The following SRPK2 variants were observed in gnomAD, a reference collection of about 807,000 sequenced individuals.
The protein encoded by SRPK2 is SRSF protein kinase 2, also known as SFRS protein kinase 2.
In SRPK2, 21 loss-of-function variants were observed where a neutral mutation model predicts 90.8. The observed-to-expected ratio is 0.23, with a 90% CI of 0.16 to 0.33. SRPK2 has a LOEUF of 0.33. SRPK2 is among the 10% of genes least tolerant of loss of function. The pLI is 1.00. For synonymous variants in SRPK2, 288 were observed against 311.1 expected (o/e 0.93, Z 0.78); for missense variants, 620 against 869.0 (o/e 0.71, Z 3.60).
At chr7:105,115,614 A>G (rs1266624636), downstream of SRPK2, 1 of 152,190 alleles carries the variant, frequency 6.6e-6, no homozygotes, top group East Asian at 1.9e-4. Flanking sequence ...TTTATCAACA[A>G]GCCGCCAAGA....
chr7:105,301,571 A>G, intron 2 of SRPK2: 1 of 1,581,552 alleles, frequency 6.3e-7, no homozygotes. Context: ...CGCTCTATTT[A>G]TGAAGGAGAT....
intron 2 of SRPK2, among the ~76,000 whole-genome samples, chr7:105,205,036 C>T (rs1585167693): frequency 1.3e-5 from 2 of 152,278 alleles, no homozygotes; most frequent in South Asian, 4.1e-4. Flanking sequence ...AGGTCAGGGT[C>T]TTAGCAATGC....
At chr7:105,364,418 T>TTTTTTTTTTTTA (rs1818793674) in intron 2 of SRPK2, among the ~76,000 whole-genome samples, 5 of 151,510 alleles carry the variant, frequency 3.3e-5, no homozygotes, top group African/African-American at 7.3e-5. Flanking sequence ...TTTTTTTTTT[T>TTTTTTTTTTTTA]GAGAAGGAGT....
intron 2 of SRPK2, among the ~76,000 whole-genome samples, chr7:105,219,012 C>T (rs559973620): frequency 2.0e-5 from 3 of 151,828 alleles, no homozygotes; most frequent in South Asian, 4.2e-4. Flanking sequence ...CAAAAGTGGC[C>T]GCAGAAATAG....
intron 2 of SRPK2, among the ~76,000 whole-genome samples, chr7:105,339,731 G>A (rs1289001981): frequency 6.6e-6 from 1 of 152,160 alleles, no homozygotes; most frequent in African/African-American, 2.4e-5. Flanking sequence ...CTAGTGCCTT[G>A]ATTGATGCTA....
At chr7:105,280,792 A>G (rs1446293447) in intron 2 of SRPK2, among the ~76,000 whole-genome samples, 2 of 149,080 alleles carry the variant, frequency 1.3e-5, no homozygotes, top group Non-Finnish European at 3.0e-5. Flanking sequence ...CTAAAAATAC[A>G]AAAAATTAGC....
chr7:105,247,683 G>C (rs1801891978), intron 2 of SRPK2, among the ~76,000 whole-genome samples: 1 of 151,264 alleles, frequency 6.6e-6, no homozygotes, highest in Non-Finnish European at 1.5e-5. Context: ...TTTAATTCTT[G>C]GTATTTTAAT....
chr7:105,330,448 T>C (rs975074768), intron 2 of SRPK2, among the ~76,000 whole-genome samples: 1 of 152,206 alleles, frequency 6.6e-6, no homozygotes, highest in African/African-American at 2.4e-5. Context: ...ATTCCATAGC[T>C]AGAAATCTTT....
downstream of SRPK2, among the ~76,000 whole-genome samples, chr7:105,115,736 A>G (rs1373873884): frequency 1.3e-5 from 2 of 152,180 alleles, no homozygotes; most frequent in African/African-American, 4.8e-5. Context: ...ACCTGTAAAA[A>G]TTCATAATCT....
At chr7:105,283,454 C>T (rs1188832323) in intron 2 of SRPK2, among the ~76,000 whole-genome samples, 4 of 152,116 alleles carry the variant, frequency 2.6e-5, no homozygotes, top group Admixed American at 6.5e-5. Context: ...AGAAAGAGTA[C>T]TAATACATGC....
chr7:105,268,935 A>G, intron 2 of SRPK2: 1 of 1,518,074 alleles, frequency 6.6e-7, no homozygotes, highest in Non-Finnish European at 8.9e-7. Context: ...TTATATCAAG[A>G]GATTTTTCTT....
intron 10 of SRPK2, 61 bp from the exon 11 acceptor site, chr7:105,142,551 A>G: frequency 6.6e-7 from 1 of 1,522,974 alleles, no homozygotes; most frequent in Non-Finnish European, 8.7e-7. Flanking sequence ...AGCCTCATTA[A>G]GTACTTATCT....
At chr7:105,203,503 A>C in intron 3 of SRPK2, 125 bp downstream of exon 3, 1 of 1,001,950 alleles carries the variant, frequency 1.0e-6, no homozygotes, top group Non-Finnish European at 1.4e-6. Flanking sequence ...TGACACAAGG[A>C]GGCTAATTTA....
rs60785296 is a variant in SRPK2, at chr7:105,385,248, C to T, written c.71+3400G>A. Among the ~76,000 whole-genome samples the T allele has an allele frequency of 5.1e-3, 646 of 126,444 alleles. 10 individuals carry two copies. The East Asian group carries it at 0.065, about 13-fold the overall frequency. 83.0% of individuals were successfully genotyped at this position (126,444 alleles called of 152,430 possible). On this transcript the variant is annotated intron_variant, in intron 2 of 15. Transcript: ENST00000393651. Reference sequence around the variant, plus strand: ...CAAGCTGGAGTGCAGTGGCACAATCCCGGCTCACTGCAAGCTCCGCCTTCC... The same window carrying T: ...CAAGCTGGAGTGCAGTGGCACAATCTCGGCTCACTGCAAGCTCCGCCTTCC...
intron 7 of SRPK2, chr7:105,160,151 C>A: frequency 6.3e-6 from 1 of 158,412 alleles, no homozygotes; most frequent in Non-Finnish European, 1.4e-5. Context: ...GTAAATAAAC[C>A]CAGTAAGTTA....
intron 3 of SRPK2, among the ~76,000 whole-genome samples, chr7:105,201,506 A>G (rs1212424378): frequency 6.6e-6 from 1 of 152,128 alleles, no homozygotes; most frequent in African/African-American, 2.4e-5. Context: ...AGTATTGGTT[A>G]CATCTCCTGA....
rs375728815 is a variant in SRPK2, at chr7:105,367,075, TTTTG to T, written c.71+21569_71+21572del. Among the ~76,000 whole-genome samples, 358 of 151,836 alleles carry T rather than the reference TTTTG, an allele frequency of 2.4e-3. 3 individuals carry two copies. The highest frequency in any genetic ancestry group is 8.3e-3 in the African/African-American group (341 of 41,302). Reference sequence around the variant, plus strand: ...AGATCACCTTTTTTTTTGTTTTTTTTTTTGTTTGTTTGTTTGTTTTAGGATAGTC... The same window carrying T: ...AGATCACCTTTTTTTTTGTTTTTTTTTTTGTTTGTTTGTTTTAGGATAGTC... On this transcript the variant is annotated intron_variant, in intron 2 of 15. Coordinates refer to ENST00000393651, the MANE Select transcript of SRPK2 (RefSeq NM_182692.3).
At position 105,212,915 on chromosome 7, in the gene SRPK2, A is replaced by T. The variant is rs191440829; in HGVS notation, c.72-9130T>A. Among the ~76,000 whole-genome samples, 471 of 152,298 alleles carry T rather than the reference A, an allele frequency of 3.1e-3. 2 individuals are homozygous for T. Among genetic ancestry groups the T allele is most frequent in the South Asian group, 0.018 (89 of 4,824 alleles). On this transcript the variant is annotated intron_variant, in intron 2 of 15. Coordinates refer to ENST00000393651, the MANE Select transcript of SRPK2 (RefSeq NM_182692.3). The stretch of plus-strand genomic sequence containing the variant: ...TGTACAGACTCTTTTTTTGGTCATT[A>T]TTCCATAAACAATTAGGTATTACAA...
chr7:105,393,640 T>C (rs1822241490), upstream of SRPK2, among the ~76,000 whole-genome samples: 1 of 151,924 alleles, frequency 6.6e-6, no homozygotes, highest in East Asian at 1.9e-4. Flanking sequence ...CATTCGGCCT[T>C]TTTATTATTT....
Sources: gnomAD v4.1 joint callset for allele counts (sites outside exome capture counted in the v4.1 genomes callset) on GRCh38, gnomAD v4.1.1 for gene constraint, MANE v1.5 for transcripts, NCBI Gene and HGNC (gene_info 2026-07-23, HGNC 2026-07-21) for gene names.